SPECC1L: variants seen among roughly 807,000 people sequenced by gnomAD.
SPECC1L encodes sperm antigen with calponin homology and coiled-coil domains 1 like.
In SPECC1L, 40 loss-of-function variants were observed where a neutral mutation model predicts 116.8. The observed-to-expected ratio is 0.34, with a 90% confidence interval of 0.27 to 0.45. The LOEUF (loss-of-function observed/expected upper bound fraction) is 0.45, where lower values mean the gene tolerates loss of function less well. Among genes scored for constraint, SPECC1L ranks in the 20% least tolerant of loss-of-function variants. SPECC1L has a pLI of 1.00. For synonymous variants in SPECC1L, 504 were observed against 500.6 expected (o/e 1.01, Z -0.09); for missense variants, 1,110 against 1,373.6 (o/e 0.81, Z 3.03).
At chr22:24,357,528 T>C (rs34004682) in intron 11 of SPECC1L, among the ~76,000 whole-genome samples, 1 of 152,244 alleles carries the variant, frequency 6.6e-6, no homozygotes, top group African/African-American at 2.4e-5. Flanking sequence ...GGCTTTTTCT[T>C]GGCTTTTTGT....
chr22:24,363,455 G>C (rs1233243916), intron 12 of SPECC1L, 111 bp downstream of exon 12: 3 of 926,430 alleles, frequency 3.2e-6, no homozygotes, highest in African/African-American at 1.6e-5. Context: ...TGCTCTCACT[G>C]GCCTCAAGCT....
chr22:24,362,246 G>C (rs765976305), intron 11 of SPECC1L, among the ~76,000 whole-genome samples: 1 of 152,138 alleles, frequency 6.6e-6, no homozygotes, highest in Non-Finnish European at 1.5e-5. Flanking sequence ...TGTGTTTGGT[G>C]GGGGCTGGCA....
At chr22:24,300,429 G>A (rs548315593) in intron 2 of SPECC1L, among the ~76,000 whole-genome samples, 2 of 152,140 alleles carry the variant, frequency 1.3e-5, no homozygotes, top group East Asian at 3.9e-4. Context: ...AAACAGTGCT[G>A]CAATAAACAT....
chr22:24,301,229 CT>C (rs1204268256), intron 2 of SPECC1L, among the ~76,000 whole-genome samples: 1 of 152,156 alleles, frequency 6.6e-6, no homozygotes, highest in African/African-American at 2.4e-5. Context: ...TAACAAAGGT[CT>C]AATATCCAGA....
At chr22:24,331,953 A>G (rs2040946818) in intron 8 of SPECC1L, among the ~76,000 whole-genome samples, 1 of 152,204 alleles carries the variant, frequency 6.6e-6, no homozygotes, top group African/African-American at 2.4e-5. Context: ...GGAAGTACAG[A>G]AAAAGCACTT....
At chr22:24,391,592 G>A (rs2042275518) in intron 14 of SPECC1L, among the ~76,000 whole-genome samples, 1 of 152,142 alleles carries the variant, frequency 6.6e-6, no homozygotes, top group South Asian at 2.1e-4. Context: ...TCCCCTCACT[G>A]TGAGCATTTT....
chr22:24,360,975 G>T (rs561933181), intron 11 of SPECC1L, among the ~76,000 whole-genome samples: 12 of 151,968 alleles, frequency 7.9e-5, no homozygotes, highest in African/African-American at 1.2e-4. Context: ...GATGATGTTT[G>T]TTCAAGATAA....
At chr22:24,279,469 T>A (rs2146331555) in intron 2 of SPECC1L, among the ~76,000 whole-genome samples, 1 of 152,330 alleles carries the variant, frequency 6.6e-6, no homozygotes, top group African/African-American at 2.4e-5. Context: ...GCTCAAGTGA[T>A]CCCCTTGCCT....
intron 14 of SPECC1L, among the ~76,000 whole-genome samples, chr22:24,392,430 G>GC (rs2042290532): frequency 6.6e-6 from 1 of 152,188 alleles, no homozygotes. Context: ...TAAGGATGTG[G>GC]CCTCCACAGA....
intron 3 of SPECC1L, among the ~76,000 whole-genome samples, chr22:24,303,910 A>G (rs975052683): frequency 6.6e-6 from 1 of 151,390 alleles, no homozygotes; most frequent in Non-Finnish European, 1.5e-5. Context: ...GGACAGAGGT[A>G]AAACTATTTG....
In SPECC1L at chr22:24,365,595, A is replaced by T. The variant is rs143075516; in HGVS notation, c.2947A>T (p.Thr983Ser). ...SPQLSLSSSP[T>S]ASVTPTTRSR... The stretch of plus-strand genomic sequence containing the variant: ...ACAGCTTTCCCTGTCCTCTTCTCCA[A>T]CGGCATCTGTGACTCCCACCACCCG... The change falls in exon 13 of 17, where the codon ACG becomes TCG. Residue 983 changes from threonine to serine, a missense_variant. Coordinates refer to ENST00000314328, the MANE Select transcript of SPECC1L (RefSeq NM_015330.6). The T allele has an allele frequency of 1.2e-6, 2 of 1,614,026 alleles. No individual in the cohort carries two copies. The highest frequency in any genetic ancestry group is 2.7e-5 in the African/African-American group (2 of 74,900).
intron 4 of SPECC1L, among the ~76,000 whole-genome samples, chr22:24,314,613 A>T (rs540612361): frequency 6.6e-6 from 1 of 152,284 alleles, no homozygotes; most frequent in East Asian, 1.9e-4. Flanking sequence ...TTTTTGTGGA[A>T]GCTGGTCATA....
intron 14 of SPECC1L, among the ~76,000 whole-genome samples, chr22:24,372,811 G>T (rs1044622403): frequency 6.6e-6 from 1 of 152,076 alleles, no homozygotes; most frequent in Non-Finnish European, 1.5e-5. Context: ...AGAGTATTCA[G>T]TTAGGAAAAG....
Position 24,363,296 on chromosome 22 carries a change from G to A in SPECC1L, c.2779G>A (p.Ala927Thr), listed in dbSNP as rs772590567. Residue 927 changes from alanine (A) to threonine (T), a missense_variant, in exon 12 of 17, where the codon GCT becomes ACT. Coordinates refer to ENST00000314328, the MANE Select transcript of SPECC1L (RefSeq NM_015330.6). ...AAGAACATCTTCAGCCAGCCGGCCT[G>A]CTTCCCTGCCAAGAGTGCCTGCGAT... ...LLRTSSASRP[A>T]SLPRVPAMES... 6.2e-7 allele frequency: 1 copy of A among 1,614,162 alleles called. No homozygotes were observed. Among genetic ancestry groups the A allele is most frequent in the Non-Finnish European group, 8.5e-7 (1 of 1,180,014 alleles).
At chr22:24,287,137 CAGGG>C (rs751713835) in intron 2 of SPECC1L, among the ~76,000 whole-genome samples, 56 of 152,164 alleles carry the variant, frequency 3.7e-4, no homozygotes, top group Admixed American at 9.2e-4. Flanking sequence ...AGTTATTTCT[CAGGG>C]AGGAAAGTGG....
At chr22:24,391,171 G>A (rs1038168058) in intron 14 of SPECC1L, among the ~76,000 whole-genome samples, 3 of 151,830 alleles carry the variant, frequency 2.0e-5, no homozygotes, top group Middle Eastern at 3.2e-3. Flanking sequence ...CACTGCGCCC[G>A]GCCGGGCCTG....
chr22:24,362,493 A>G (rs997811956), intron 11 of SPECC1L, among the ~76,000 whole-genome samples: 9 of 152,210 alleles, frequency 5.9e-5, no homozygotes, highest in African/African-American at 2.2e-4. Context: ...TGAAGGCTCA[A>G]AAATGTTTGA....
chr22:24,356,721 A>G (rs189693563), intron 11 of SPECC1L, among the ~76,000 whole-genome samples: 23 of 151,986 alleles, frequency 1.5e-4, no homozygotes, highest in African/African-American at 5.1e-4. Context: ...TGACCCATCT[A>G]TTCTGCTTCT....
chr22:24,339,685 G>A (rs1051663571), intron 10 of SPECC1L, among the ~76,000 whole-genome samples: 8 of 152,218 alleles, frequency 5.3e-5, no homozygotes, highest in Admixed American at 3.3e-4. Flanking sequence ...GAGCATTTTC[G>A]AGTTGAGACA....
Sources: allele counts gnomAD v4.1 joint callset (sites outside exome capture counted in the v4.1 genomes callset), GRCh38; gene constraint gnomAD v4.1.1; transcripts MANE v1.5; gene names NCBI Gene and HGNC (gene_info 2026-07-23, HGNC 2026-07-21).